MYT1L: variants seen among roughly 807,000 people sequenced by gnomAD.
The protein encoded by MYT1L is myelin transcription factor 1-like protein.
A neutral mutation model predicts 126.7 loss-of-function variants in MYT1L; 12 were observed. The ratio of observed to expected loss-of-function variants is 0.09; its 90% CI spans 0.06 to 0.15. The LOEUF is 0.15. Among genes scored for constraint, MYT1L ranks in the 10% least tolerant of loss-of-function variants. The pLI, the probability that MYT1L is intolerant of heterozygous loss-of-function variation, is 1.00. For missense variants in MYT1L, 979 were observed against 1,585.2 expected, an observed-to-expected ratio of 0.62 and a Z score of 6.49; for synonymous variants, 541 against 604.2, an observed-to-expected ratio of 0.90 and a Z score of 1.53.
At chr2:2,157,778 T>C (rs571074957) in intron 3 of MYT1L, among the ~76,000 whole-genome samples, 12 of 152,302 alleles carry the variant, frequency 7.9e-5, no homozygotes, top group African/African-American at 2.6e-4. Flanking sequence ...ATGTCTGTTG[T>C]CATAGAAATA....
intron 13 of MYT1L, among the ~76,000 whole-genome samples, chr2:1,907,177 G>T (rs2051194056): frequency 6.6e-6 from 1 of 151,178 alleles, no homozygotes; most frequent in Non-Finnish European, 1.5e-5. Context: ...CATATTTCAA[G>T]GGTCCAAATG....
chr2:2,091,877 C>A (rs1447430192), intron 3 of MYT1L, among the ~76,000 whole-genome samples: 6 of 152,196 alleles, frequency 3.9e-5, no homozygotes, highest in South Asian at 2.1e-4. Context: ...TTTTCTTCTG[C>A]AGCTTCCTCA....
chr2:2,235,328 T>C (rs1572705125), intron 2 of MYT1L, among the ~76,000 whole-genome samples: 1 of 148,658 alleles, frequency 6.7e-6, no homozygotes, highest in East Asian at 2.0e-4. Flanking sequence ...TGTAGCTGGT[T>C]AGCTGGTTAG....
chr2:2,197,769 A>T (rs546142774), intron 2 of MYT1L, among the ~76,000 whole-genome samples: 41 of 149,274 alleles, frequency 2.7e-4, no homozygotes, highest in African/African-American at 7.5e-4. Flanking sequence ...ACACACAATG[A>T]ATGTGTAGAG....
chr2:2,139,457 TA>T (rs546511770), intron 3 of MYT1L, among the ~76,000 whole-genome samples: 20 of 147,608 alleles, frequency 1.4e-4, no homozygotes, highest in East Asian at 2.0e-4. Flanking sequence ...CTGTTTCTAC[TA>T]AAAAAAAAAT....
intron 3 of MYT1L, among the ~76,000 whole-genome samples, chr2:2,132,277 A>G (rs1364293213): frequency 6.6e-6 from 1 of 152,132 alleles, no homozygotes; most frequent in Non-Finnish European, 1.5e-5. Context: ...ACACATGCAC[A>G]CATACGTTTA....
intron 1 of MYT1L, among the ~76,000 whole-genome samples, chr2:2,285,225 G>T (rs966263760): frequency 6.6e-6 from 1 of 152,182 alleles, no homozygotes; most frequent in Admixed American, 6.5e-5. Flanking sequence ...TGGACTTGGG[G>T]AGTGCATCGT....
chr2:1,803,607 C>T (rs1013962777), intron 22 of MYT1L, among the ~76,000 whole-genome samples: 5 of 152,290 alleles, frequency 3.3e-5, no homozygotes, highest in Middle Eastern at 3.4e-3. Flanking sequence ...TAATTTTGTT[C>T]TGGGAGTGAT....
chr2:1,902,955 CCT>C (rs756465956), intron 14 of MYT1L, 123 bp downstream of exon 14: 16 of 864,996 alleles, frequency 1.8e-5, no homozygotes, highest in Non-Finnish European at 3.0e-5. Flanking sequence ...CTATGAAAGT[CCT>C]GTTCTTTTGG....
intron 2 of MYT1L, among the ~76,000 whole-genome samples, chr2:2,175,818 C>A (rs1305422969): frequency 6.6e-6 from 1 of 152,204 alleles, no homozygotes; most frequent in Non-Finnish European, 1.5e-5. Context: ...GCAGTCCTGG[C>A]CGCCTGTCCC....
intron 18 of MYT1L, among the ~76,000 whole-genome samples, chr2:1,866,098 G>A (rs971547062): frequency 1.4e-4 from 21 of 152,220 alleles, no homozygotes; most frequent in African/African-American, 5.1e-4. Flanking sequence ...CTGCGATGGA[G>A]CAGCTCGAAG....
chr2:2,270,059 G>T (rs1380371551), intron 2 of MYT1L, among the ~76,000 whole-genome samples: 1 of 152,166 alleles, frequency 6.6e-6, no homozygotes, highest in Non-Finnish European at 1.5e-5. Context: ...GAGTCATTAG[G>T]TCAAGAGCGT....
chr2:2,230,739 C>T (rs1454689985), intron 2 of MYT1L, among the ~76,000 whole-genome samples: 3 of 152,220 alleles, frequency 2.0e-5, no homozygotes, highest in Admixed American at 1.3e-4. Flanking sequence ...GCGGGCTGCA[C>T]ACCACGCTGA....
At chr2:2,051,529 G>T (rs565011366) in intron 4 of MYT1L, among the ~76,000 whole-genome samples, 1 of 152,278 alleles carries the variant, frequency 6.6e-6, no homozygotes, top group Admixed American at 6.5e-5. Context: ...CTGAGATTAG[G>T]TGGAACATCC....
rs904049420 is a variant in MYT1L at position 2,228,116 on chromosome 2, C to T, written c.-420-55128G>A. ...TGTTCAGACCATGTATATCTCTATGCAAGGATTACAGATAATATAATCATC... is the reference window on the plus strand; with the variant it reads ...TGTTCAGACCATGTATATCTCTATGTAAGGATTACAGATAATATAATCATC... On this transcript the variant is annotated intron_variant, in intron 2 of 24. Transcript: ENST00000647738. The surrounding 1 kb of genome is among the most constrained non-coding windows in gnomAD (Gnocchi z 5.9). Among the ~76,000 whole-genome samples the T allele has an allele frequency of 1.3e-5, 2 of 152,126 alleles. No individual in the cohort carries two copies. Among genetic ancestry groups the T allele is most frequent in the African/African-American group, 4.8e-5 (2 of 41,416 alleles).
chr2:1,987,450 TGTTCCCATGGGAGGGGCAGC>T (rs1287849584), intron 5 of MYT1L, among the ~76,000 whole-genome samples: 3 of 152,002 alleles, frequency 2.0e-5, no homozygotes, highest in South Asian at 2.1e-4. Context: ...GGGCAGCCAG[TGTTCCCATGGGAGGGGCAGC>T]GTTCCCATGG....
intron 18 of MYT1L, among the ~76,000 whole-genome samples, chr2:1,860,438 G>A (rs540013798): frequency 3.9e-5 from 6 of 152,264 alleles, no homozygotes; most frequent in African/African-American, 1.2e-4. Flanking sequence ...CCACACGCTC[G>A]GGATGCAGGT....
At chr2:2,306,487 A>G (rs2095861060) in intron 1 of MYT1L, among the ~76,000 whole-genome samples, 1 of 152,196 alleles carries the variant, frequency 6.6e-6, no homozygotes, top group Admixed American at 6.5e-5. Context: ...TAAGTCTCCC[A>G]GAAACGCAGC....
intron 4 of MYT1L, among the ~76,000 whole-genome samples, chr2:2,042,933 C>A (rs2067716018): frequency 6.6e-6 from 1 of 152,182 alleles, no homozygotes; most frequent in Non-Finnish European, 1.5e-5. Flanking sequence ...ACACTGGCTC[C>A]GGCAGCCCTC....
Sources: gnomAD v4.1 joint callset for allele counts (sites outside exome capture counted in the v4.1 genomes callset) on GRCh38, gnomAD v4.1.1 for gene constraint, Gnocchi (gnomAD v3.1) non-coding constraint, MANE v1.5 for transcripts, NCBI Gene and HGNC (gene_info 2026-07-23, HGNC 2026-07-21) for gene names.